Variants in BLM observed in about 807,000 individuals in gnomAD.
BLM encodes recQ-like DNA helicase BLM.
In BLM, 95 loss-of-function variants were observed where a neutral mutation model predicts 135.3. That is an observed-to-expected ratio of 0.70 (90% CI 0.59 to 0.83). The LOEUF is 0.83. Among genes scored for constraint, BLM ranks in the 40% least tolerant of loss-of-function variants. The pLI, the probability that BLM is intolerant of heterozygous loss-of-function variation, is 0.00. For missense variants in BLM, 1,518 were observed against 1,663.9 expected (o/e 0.91, Z 1.53); for synonymous variants, 520 against 589.2 (o/e 0.88, Z 1.70).
At chr15:90,740,002 C>T (rs537891420) in intron 1 of BLM, among the ~76,000 whole-genome samples, 6 of 152,156 alleles carry the variant, frequency 3.9e-5, no homozygotes, top group Middle Eastern at 3.4e-3. Context: ...TGGGCTCAAG[C>T]GATCCCCCCG....
intron 5 of BLM, chr15:90,759,913 TAAAAAAA>T (rs60293840): frequency 5.3e-5 from 15 of 285,444 alleles, no homozygotes; most frequent in Non-Finnish European, 9.2e-5. Context: ...AGCCCCACTT[TAAAAAAA>T]AAAAAAAAAA....
rs150572943 is a variant in BLM at position 90,768,259 on chromosome 15, C to A, written c.2308-874C>A. On this transcript the variant is annotated intron_variant, in intron 10 of 21. Coordinates refer to ENST00000355112, the MANE Select transcript of BLM (RefSeq NM_000057.4). ...TGCCCAGCCCACATATTTATTGATA[C>A]TAGCATGAACTCGACTTCTTAATTT... Among the ~76,000 whole-genome samples the A allele has an allele frequency of 2.9e-3, 441 of 152,166 alleles. 1 individual carries two copies. Among genetic ancestry groups the A allele is most frequent in the African/African-American group, 0.01 (427 of 41,516 alleles).
Position 90,794,204 on chromosome 15 carries a change from C to T in BLM, c.3057C>T (p.His1019=), listed in dbSNP as rs539573731. 1 of 1,606,066 alleles carries T rather than the reference C, an allele frequency of 6.2e-7. No homozygotes were observed. The highest frequency in any genetic ancestry group is 1.3e-5 in the African/African-American group (1 of 74,888). ...KDGNHHTRET[H]FNNLYSMVHY... The stretch of plus-strand genomic sequence containing the variant: ...GAAACCATCATACAAGAGAAACTCA[C>T]TTCAATAATTTGTATAGCATGGTAC... The change falls in exon 16 of 22, where the codon CAC becomes CAT. Residue 1019 remains histidine (H), a synonymous_variant. Coordinates refer to ENST00000355112, the MANE Select transcript of BLM (RefSeq NM_000057.4).
rs888840451 is a variant in BLM, at chr15:90,770,724, C to T, written c.2555+1138C>T. ...GATATTGAGGTGAATTTTTAAAGCACGGCTTTTGTTCATTTGAAAATAAAG... is the reference window on the plus strand; with the variant it reads ...GATATTGAGGTGAATTTTTAAAGCATGGCTTTTGTTCATTTGAAAATAAAG... On this transcript the variant is annotated intron_variant, in intron 12 of 21. Transcript: ENST00000355112. 7.9e-5 allele frequency among the ~76,000 whole-genome samples: 12 copies of T among 152,192 alleles called. No homozygotes were observed. The East Asian group carries it at 1.2e-3, about 15-fold the overall frequency.
intron 1 of BLM, among the ~76,000 whole-genome samples, chr15:90,737,605 A>G (rs1392414162): frequency 6.6e-6 from 1 of 152,216 alleles, no homozygotes; most frequent in Non-Finnish European, 1.5e-5. Flanking sequence ...AACAAGAGAC[A>G]TTAGAGTATA....
chr15:90,768,926 A>T (rs1464056711), intron 10 of BLM, among the ~76,000 whole-genome samples: 1 of 152,082 alleles, frequency 6.6e-6, no homozygotes, highest in Non-Finnish European at 1.5e-5. Flanking sequence ...GGGTTTCACC[A>T]TGTTGGTTAG....
chr15:90,784,900 G>T, intron 13 of BLM, 21 bp from the exon 14 acceptor site: 1 of 1,611,240 alleles, frequency 6.2e-7, no homozygotes, highest in African/African-American at 1.3e-5. Context: ...TTGTTTCTCA[G>T]TACTCTTGGT....
At chr15:90,749,301 G>A in intron 2 of BLM, 66 bp from the exon 3 acceptor site, 2 of 1,223,466 alleles carry the variant, frequency 1.6e-6, no homozygotes, top group South Asian at 1.3e-5. Flanking sequence ...TAAAAAATTA[G>A]TTTTGTAGAG....
At chr15:90,741,578 C>T (rs966374745) in intron 1 of BLM, among the ~76,000 whole-genome samples, 4 of 152,258 alleles carry the variant, frequency 2.6e-5, no homozygotes, top group Admixed American at 1.3e-4. Flanking sequence ...TCTGTTTTCT[C>T]TATCTCTCTG....
At chr15:90,804,834 T>C (rs1897251371) in intron 19 of BLM, among the ~76,000 whole-genome samples, 3 of 152,148 alleles carry the variant, frequency 2.0e-5, no homozygotes, top group African/African-American at 2.4e-5. Context: ...TTGAAACTTA[T>C]TCTTTTTTTG....
rs1464379098 is a variant in BLM at position 90,798,405 on chromosome 15, A to G, written c.3358+68A>G. ...TTGAACATCTAAAGAATTTATTACAAGTACATAGAAAAACTTTTTGTCTAT... is the reference window on the plus strand; with the variant it reads ...TTGAACATCTAAAGAATTTATTACAGGTACATAGAAAAACTTTTTGTCTAT... On this transcript the variant is annotated intron_variant, in intron 17 of 21. Coordinates refer to ENST00000355112, the MANE Select transcript of BLM (RefSeq NM_000057.4). The G allele has an allele frequency of 5.3e-6, 8 of 1,512,412 alleles. No homozygotes were observed. In the African/African-American group the frequency reaches 1.1e-4, roughly 21 times the overall value. 93.7% of individuals were successfully genotyped at this position (1,512,412 alleles called of 1,614,324 possible). A position where few individuals can be genotyped will look rare whatever the true frequency, so the allele number is the denominator to read the frequency against.
At chr15:90,755,656 C>T (rs886195344) in intron 5 of BLM, among the ~76,000 whole-genome samples, 13 of 151,860 alleles carry the variant, frequency 8.6e-5, no homozygotes, top group Non-Finnish European at 1.8e-4. Flanking sequence ...TTCTTTTTAC[C>T]TTCTTTTTCT....
intron 12 of BLM, among the ~76,000 whole-genome samples, chr15:90,771,589 T>G (rs1403446594): frequency 6.8e-6 from 1 of 147,758 alleles, no homozygotes; most frequent in Non-Finnish European, 1.5e-5. Flanking sequence ...ACTACATTGA[T>G]CTATAATTTT....
chr15:90,751,242 G>A (rs1895674455), intron 3 of BLM, among the ~76,000 whole-genome samples: 1 of 152,164 alleles, frequency 6.6e-6, no homozygotes, highest in African/African-American at 2.4e-5. Flanking sequence ...GGGTGAGAGA[G>A]CACTGAAAAG....
At chr15:90,785,693 G>A (rs189272277) in intron 14 of BLM, among the ~76,000 whole-genome samples, 6 of 151,988 alleles carry the variant, frequency 3.9e-5, no homozygotes, top group East Asian at 1.9e-4. Context: ...ACAGATGTGC[G>A]CCACCATGGC....
chr15:90,751,292 CCT>C (rs936918399), intron 3 of BLM, among the ~76,000 whole-genome samples: 1 of 152,134 alleles, frequency 6.6e-6, no homozygotes, highest in African/African-American at 2.4e-5. Context: ...ATCAATGATG[CCT>C]CTGTTTCTGA....
At chr15:90,795,056 T>C (rs998947511) in intron 16 of BLM, among the ~76,000 whole-genome samples, 1 of 152,198 alleles carries the variant, frequency 6.6e-6, no homozygotes, top group African/African-American at 2.4e-5. Flanking sequence ...CATTTTCACG[T>C]TTGGTGTATT....
rs533472802 is a variant in BLM, at chr15:90,800,714, TAGAG to T, written c.3358+2384_3358+2387del. On this transcript the variant is annotated intron_variant, in intron 17 of 21. Transcript: ENST00000355112. ...AAGAAGGAACAGGGCCCACCCAACG[TAGAG>T]AGAGAGTAAGAAAGGAATGGTTTTA... 2.4e-3 allele frequency among the ~76,000 whole-genome samples: 353 copies of T among 144,274 alleles called. 2 individuals are homozygous for T. The highest frequency in any genetic ancestry group is 8.1e-3 in the African/African-American group (321 of 39,662). The allele number at this position is 144,274 out of a possible 152,430, so 94.6% of individuals were successfully genotyped here.
intron 5 of BLM, among the ~76,000 whole-genome samples, chr15:90,758,536 A>G (rs1312605187): frequency 6.6e-6 from 1 of 152,106 alleles, no homozygotes; most frequent in Non-Finnish European, 1.5e-5. Flanking sequence ...TCTATTTATT[A>G]GTTATGGCTT....
Sources: gnomAD v4.1 joint callset for allele counts (sites outside exome capture counted in the v4.1 genomes callset) on GRCh38, gnomAD v4.1.1 for gene constraint, MANE v1.5 for transcripts, NCBI Gene and HGNC (gene_info 2026-07-23, HGNC 2026-07-21) for gene names.